Variants in RORA observed in about 807,000 individuals in gnomAD.
RORA encodes RAR related orphan receptor A, also known as nuclear receptor ROR-alpha.
Under a neutral mutation model 69.5 loss-of-function variants are expected in RORA, and 7 were observed. The ratio of observed to expected loss-of-function variants is 0.10; its 90% confidence interval spans 0.06 to 0.19. RORA has a LOEUF of 0.19. RORA is among the 10% of genes least tolerant of loss of function. The pLI is 1.00. For synonymous variants in RORA, 261 were observed against 240.8 expected, an observed-to-expected ratio of 1.08 and a Z score of -0.78; for missense variants, 457 against 663.0, an observed-to-expected ratio of 0.69 and a Z score of 3.41.
chr15:60,806,707 T>C (rs2072664509), intron 1 of RORA, among the ~76,000 whole-genome samples: 1 of 152,148 alleles, frequency 6.6e-6, no homozygotes, highest in Non-Finnish European at 1.5e-5. Context: ...GCTGAGTGAG[T>C]TAAGGACCAG....
chr15:61,015,271 G>T (rs575809584), intron 1 of RORA, among the ~76,000 whole-genome samples: 91 of 152,238 alleles, frequency 6.0e-4, no homozygotes, highest in African/African-American at 1.8e-3. Context: ...GATTTGGGGA[G>T]GGACTTTCCT....
At chr15:60,723,743 C>G (rs560793447) in intron 1 of RORA, among the ~76,000 whole-genome samples, 34 of 152,264 alleles carry the variant, frequency 2.2e-4, no homozygotes, top group African/African-American at 7.9e-4. Context: ...AATAACAAAT[C>G]AAGAAGTATT....
chr15:61,081,676 C>T (rs1254255210), intron 1 of RORA, among the ~76,000 whole-genome samples: 12 of 151,776 alleles, frequency 7.9e-5, no homozygotes, highest in Admixed American at 5.3e-4. Flanking sequence ...GGTGTGGTGG[C>T]GGGCGCCTGT....
At chr15:60,685,205 T>G (rs987855719) in intron 1 of RORA, among the ~76,000 whole-genome samples, 4 of 152,132 alleles carry the variant, frequency 2.6e-5, no homozygotes, top group African/African-American at 9.7e-5. Context: ...GGAAAGAATT[T>G]TCCAAATAAA....
At chr15:61,007,903 C>G (rs1004233157) in intron 1 of RORA, among the ~76,000 whole-genome samples, 2 of 147,528 alleles carry the variant, frequency 1.4e-5, no homozygotes, top group South Asian at 4.3e-4. Flanking sequence ...AGAAATTATC[C>G]TAATAGAAAA....
intron 1 of RORA, among the ~76,000 whole-genome samples, chr15:61,125,276 C>A (rs1479060531): frequency 1.3e-5 from 2 of 152,216 alleles, no homozygotes; most frequent in African/African-American, 4.8e-5. Flanking sequence ...GAATGCCCTA[C>A]ACATGTTTAT....
chr15:61,158,315 T>C (rs16943698), intron 1 of RORA, among the ~76,000 whole-genome samples: 20,329 of 152,130 alleles, frequency 0.13, 2,618 homozygotes, highest in African/African-American at 0.33. Context: ...TCTCTGGAAG[T>C]GTCATCTCAA....
At chr15:60,849,647 C>T (rs2073303223) in intron 1 of RORA, among the ~76,000 whole-genome samples, 1 of 152,192 alleles carries the variant, frequency 6.6e-6, no homozygotes, top group Non-Finnish European at 1.5e-5. Flanking sequence ...GCCTGCAAAA[C>T]AACAGCGAAG....
intron 1 of RORA, among the ~76,000 whole-genome samples, chr15:61,085,585 G>A (rs1312973193): frequency 6.6e-6 from 1 of 152,232 alleles, no homozygotes; most frequent in African/African-American, 2.4e-5. Context: ...TGATGCTGAT[G>A]CTGCAGGTCT....
At chr15:60,938,569 T>G (rs764551632) in intron 1 of RORA, among the ~76,000 whole-genome samples, 1 of 152,094 alleles carries the variant, frequency 6.6e-6, no homozygotes, top group South Asian at 2.1e-4. Context: ...GTGGCATTAA[T>G]GCTACTCACT....
intron 1 of RORA, among the ~76,000 whole-genome samples, chr15:60,775,394 G>T (rs545912677): frequency 2.0e-5 from 3 of 152,272 alleles, no homozygotes; most frequent in African/African-American, 2.4e-5. Flanking sequence ...TCAAATTTGC[G>T]TGGGGGTTCT....
At chr15:60,585,186 A>G (rs2068297930) in intron 2 of RORA, among the ~76,000 whole-genome samples, 1 of 152,218 alleles carries the variant, frequency 6.6e-6, no homozygotes, top group Non-Finnish European at 1.5e-5. Context: ...AGGAAGATCT[A>G]TATTCATTCC....
chr15:60,684,526 AG>A (rs2140760739), intron 1 of RORA, among the ~76,000 whole-genome samples: 1 of 152,294 alleles, frequency 6.6e-6, no homozygotes, highest in Admixed American at 6.5e-5. Context: ...CTGAGGCAGG[AG>A]AATCACTTGA....
intron 1 of RORA, among the ~76,000 whole-genome samples, chr15:60,997,047 G>C (rs1363735510): frequency 6.6e-6 from 1 of 151,828 alleles, no homozygotes; most frequent in Non-Finnish European, 1.5e-5. Context: ...GTTTGTGTGT[G>C]TGTGTGTGTG....
intron 1 of RORA, among the ~76,000 whole-genome samples, chr15:60,987,041 C>A (rs1365665988): frequency 6.6e-6 from 1 of 152,174 alleles, no homozygotes; most frequent in African/African-American, 2.4e-5. Flanking sequence ...GCCAAACATT[C>A]CTGGAATAAG....
chr15:60,776,485 A>T (rs1261433681), intron 1 of RORA, among the ~76,000 whole-genome samples: 1 of 152,208 alleles, frequency 6.6e-6, no homozygotes, highest in Non-Finnish European at 1.5e-5. Flanking sequence ...TGCTGGGGAG[A>T]AAGAAAGGAA....
chr15:60,901,880 T>C (rs1891402336), intron 1 of RORA, among the ~76,000 whole-genome samples: 1 of 152,218 alleles, frequency 6.6e-6, no homozygotes, highest in African/African-American at 2.4e-5. Context: ...AACTGTGAAC[T>C]ACCTTGAGCT....
At chr15:60,917,646 A>G (rs995419263) in intron 1 of RORA, among the ~76,000 whole-genome samples, 2 of 152,234 alleles carry the variant, frequency 1.3e-5, no homozygotes, top group Admixed American at 6.5e-5. Context: ...GAGCCCTCGC[A>G]TTGCATAACT....
intron 1 of RORA, among the ~76,000 whole-genome samples, chr15:60,979,003 C>A (rs545566077): frequency 8.5e-6 from 1 of 118,332 alleles, no homozygotes; most frequent in African/African-American, 3.3e-5. Flanking sequence ...GCTCAGTAGC[C>A]CAGGCTGGAG....
Sources: allele counts gnomAD v4.1 joint callset (sites outside exome capture counted in the v4.1 genomes callset), GRCh38; gene constraint gnomAD v4.1.1; transcripts MANE v1.5; gene names NCBI Gene and HGNC (gene_info 2026-07-23, HGNC 2026-07-21).